The following GALNT11 variants were observed in gnomAD, a reference collection of about 807,000 sequenced individuals.
The protein encoded by GALNT11 is UDP-GalNAc:polypeptide N-acetylgalactosaminyltransferase 11.
Under a neutral mutation model 72.7 loss-of-function variants are expected in GALNT11, and 47 were observed. That is an observed-to-expected ratio of 0.65 (90% CI 0.51 to 0.82). The LOEUF (loss-of-function observed/expected upper bound fraction) is 0.82, where lower values mean the gene tolerates loss of function less well. Ranked by LOEUF, GALNT11 falls within the 40% of genes least tolerant of loss-of-function variation. GALNT11 has a pLI of 0.00. For missense variants in GALNT11, 677 were observed against 778.4 expected (o/e 0.87, Z 1.55); for synonymous variants, 270 against 286.6 (o/e 0.94, Z 0.58).
rs1018487883 is a variant in GALNT11, at chr7:152,113,234, G to A, written c.1081-12G>A. 6 of 1,590,314 alleles carry A rather than the reference G, an allele frequency of 3.8e-6. No individual in the cohort carries two copies. Among genetic ancestry groups the A allele is most frequent in the Non-Finnish European group, 4.3e-6 (5 of 1,170,486 alleles). ...GAGGCAACTGTTAACACCTGTTTTT[G>A]CTTCTGGCCAGATCTGGATGTGTGG... On this transcript the variant is annotated splice_polypyrimidine_tract_variant and intron_variant, in intron 7 of 11. Transcript: ENST00000430044.
chr7:152,107,835 G>T (rs955071753), intron 5 of GALNT11: 16 of 551,860 alleles, frequency 2.9e-5, no homozygotes, highest in African/African-American at 2.4e-4. Context: ...ATCACAGCAG[G>T]ACACTGCACG....
chr7:152,075,477 G>A (rs930852064), intron 1 of GALNT11, among the ~76,000 whole-genome samples: 3 of 152,210 alleles, frequency 2.0e-5, no homozygotes, highest in Non-Finnish European at 2.9e-5. Context: ...AAACTACCCT[G>A]CCTGGTAGCT....
intron 1 of GALNT11, among the ~76,000 whole-genome samples, chr7:152,076,092 AAGAAGAG>A (rs1459706634): frequency 3.1e-5 from 4 of 128,974 alleles, no homozygotes; most frequent in African/African-American, 1.2e-4. Flanking sequence ...AAAAAAAAAG[AAGAAGAG>A]AGAAAAGTTC....
Position 152,103,093 on chromosome 7 carries a change from C to T in GALNT11, c.420-19C>T, listed in dbSNP as rs1229149961. On this transcript the variant is annotated intron_variant, in intron 3 of 11. Transcript: ENST00000430044. ...GAGCCTTTTAAAATGTCAGAATTTC[C>T]TCATCTTTATCTTTACAGATGTAAA... is the stretch of plus-strand genomic sequence containing the variant. 1.3e-6 allele frequency: 2 copies of T among 1,582,496 alleles called. No individual in the cohort carries two copies. Among genetic ancestry groups the T allele is most frequent in the East Asian group, 2.3e-5 (1 of 44,044 alleles).
chr7:152,119,050 A>ATC (rs1442776464), intron 10 of GALNT11: 1 of 273,176 alleles, frequency 3.7e-6, no homozygotes, highest in African/African-American at 2.2e-5. Flanking sequence ...GTGGCCTTAG[A>ATC]TGACACCTCA....
At chr7:152,103,384 C>A in intron 4 of GALNT11, 106 bp downstream of exon 4, 1 of 1,145,296 alleles carries the variant, frequency 8.7e-7, no homozygotes, top group Non-Finnish European at 1.2e-6. Flanking sequence ...GGTGGGGATC[C>A]TACACGTGCA....
chr7:152,054,508 T>G (rs1290145857), intron 1 of GALNT11, among the ~76,000 whole-genome samples: 1 of 145,986 alleles, frequency 6.8e-6, no homozygotes, highest in African/African-American at 2.5e-5. Context: ...CTTGTCTTTT[T>G]TTTTTTTTTT....
intron 1 of GALNT11, among the ~76,000 whole-genome samples, chr7:152,050,262 T>C (rs1180118370): frequency 6.6e-6 from 1 of 152,120 alleles, no homozygotes; most frequent in East Asian, 1.9e-4. Flanking sequence ...CAAAGGTCCA[T>C]GATGAGTATG....
At chr7:152,033,782 T>G (rs1224214479) in intron 1 of GALNT11, among the ~76,000 whole-genome samples, 3 of 152,224 alleles carry the variant, frequency 2.0e-5, no homozygotes, top group Non-Finnish European at 2.9e-5. Context: ...GGATCCATAC[T>G]GGGGATGGCT....
intron 6 of GALNT11, among the ~76,000 whole-genome samples, chr7:152,108,806 GTTTTC>G (rs2087864841): frequency 6.6e-6 from 1 of 151,736 alleles, no homozygotes; most frequent in Non-Finnish European, 1.5e-5. Flanking sequence ...TCTTATTTTT[GTTTTC>G]TTTAAAAATT....
intron 1 of GALNT11, among the ~76,000 whole-genome samples, chr7:152,086,736 C>T (rs1462264255): frequency 6.6e-6 from 1 of 152,144 alleles, no homozygotes; most frequent in South Asian, 2.1e-4. Flanking sequence ...AGTAGTTTCC[C>T]GGGTTTTTTG....
At chr7:152,107,249 A>T (rs2087669192) in intron 5 of GALNT11, 2 of 151,740 alleles carry the variant, frequency 1.3e-5, no homozygotes, top group East Asian at 1.9e-4. Context: ...GAAATTATAA[A>T]AAAAAAAAAA....
Position 152,094,277 on chromosome 7 carries a change from CTGCGACCTGGACAGTTT to C in GALNT11, c.54_70del (p.Thr19PhefsTer8). 1 of 1,613,478 alleles carries C rather than the reference CTGCGACCTGGACAGTTT, an allele frequency of 6.2e-7. No homozygotes were observed. Among genetic ancestry groups the C allele is most frequent in the Non-Finnish European group, 8.5e-7 (1 of 1,179,662 alleles). ...TTCTGTTATGGGTGCCTTTTTACAT[CTGCGACCTGGACAGTTT>C]TGCTTTTTGTTTATTTCAACTTCAG... On this transcript the variant is annotated frameshift_variant, in exon 2 of 12. Coordinates refer to ENST00000430044, the MANE Select transcript of GALNT11 (RefSeq NM_022087.4). LOFTEE classifies it high-confidence loss of function. This position sits in a 1 kb window ranked among gnomAD's most constrained non-coding sequence, Gnocchi z 4.3.
At chr7:152,112,634 T>A (rs2088370043) in intron 7 of GALNT11, among the ~76,000 whole-genome samples, 1 of 152,056 alleles carries the variant, frequency 6.6e-6, no homozygotes, top group African/African-American at 2.4e-5. Context: ...TCTTATTTAA[T>A]AGATTTTATT....
At chr7:152,058,815 G>A (rs1255277879) in intron 1 of GALNT11, among the ~76,000 whole-genome samples, 1 of 152,164 alleles carries the variant, frequency 6.6e-6, no homozygotes, top group Non-Finnish European at 1.5e-5. Context: ...TCTGCTTTTT[G>A]TTATCGTTTC....
At chr7:152,084,406 T>C (rs992663654) in intron 1 of GALNT11, among the ~76,000 whole-genome samples, 1 of 145,756 alleles carries the variant, frequency 6.9e-6, no homozygotes, top group Non-Finnish European at 1.5e-5. Context: ...AAAAAAAAAC[T>C]TTTACATTTT....
chr7:152,042,155 A>G (rs35709776), intron 1 of GALNT11, among the ~76,000 whole-genome samples: 23,355 of 152,188 alleles, frequency 0.15, 4,313 homozygotes, highest in African/African-American at 0.44. Flanking sequence ...TAAGCTGCAG[A>G]TTGTTTACTG....
chr7:152,091,750 G>A (rs1279396419), intron 1 of GALNT11, among the ~76,000 whole-genome samples: 1 of 152,146 alleles, frequency 6.6e-6, no homozygotes, highest in Non-Finnish European at 1.5e-5. Flanking sequence ...ATTGAGGGTG[G>A]GGCAAAGTTC....
chr7:152,115,809 C>A (rs1211049928), intron 8 of GALNT11, among the ~76,000 whole-genome samples: 1 of 152,200 alleles, frequency 6.6e-6, no homozygotes, highest in Non-Finnish European at 1.5e-5. Context: ...GTAATCCCAG[C>A]ACTTTGCGAG....
Sources: gnomAD v4.1 joint callset for allele counts (sites outside exome capture counted in the v4.1 genomes callset) on GRCh38, gnomAD v4.1.1 for gene constraint, Gnocchi (gnomAD v3.1) non-coding constraint, MANE v1.5 for transcripts, NCBI Gene and HGNC (gene_info 2026-07-23, HGNC 2026-07-21) for gene names.